Variants in NOTCH3 observed in about 807,000 individuals in gnomAD.
The protein encoded by NOTCH3 is neurogenic locus notch homolog protein 3.
In NOTCH3, 86 loss-of-function variants were observed where a neutral mutation model predicts 213.3. That is an observed-to-expected ratio of 0.40 (90% confidence interval 0.34 to 0.48). The LOEUF (loss-of-function observed/expected upper bound fraction) is 0.48. NOTCH3 is among the 20% of genes least tolerant of loss of function. The pLI is 0.57. For missense variants in NOTCH3, 2,783 were observed against 3,272.6 expected, an observed-to-expected ratio of 0.85 and a Z score of 3.65; for synonymous variants, 1,354 against 1,355.9, an observed-to-expected ratio of 1.00 and a Z score of 0.03.
chr19:15,195,032 A>G (rs2046958669), intron 2 of NOTCH3, among the ~76,000 whole-genome samples: 1 of 151,872 alleles, frequency 6.6e-6, no homozygotes, highest in East Asian at 1.9e-4. Context: ...GCACACACAG[A>G]CAGGCCCAGA....
chr19:15,198,624 G>T (rs976060360), intron 1 of NOTCH3, among the ~76,000 whole-genome samples: 4 of 152,196 alleles, frequency 2.6e-5, no homozygotes, highest in African/African-American at 9.6e-5. Context: ...GGTAGCAGGT[G>T]CCTGTAATCC....
rs1452008203 is a variant in NOTCH3 at position 15,178,085 on chromosome 19, G to T, written c.3843C>A (p.Phe1281Leu). The change falls in exon 24 of 33, where the codon TTC (phenylalanine) becomes TTA (leucine). Residue 1281 changes from phenylalanine (F) to leucine (L), a missense_variant. Around this residue, in one of 6 missense-constraint regions of NOTCH3, gnomAD observed 861 missense variants for 909.1 expected, o/e 0.95. Transcript: ENST00000263388. The stretch of plus-strand genomic sequence containing the variant: ...CCACCCGCTCGCAACGCGGACCCCA[G>T]AACGGCTGGGGGTCGGGTTTGGGGA... The part of the protein sequence containing the change: ...LTFTCHCAQP[F>L]WGPRCERVAR... The T allele has an allele frequency of 6.6e-7, 1 of 1,514,094 alleles. No homozygotes were observed. Among genetic ancestry groups the T allele is most frequent in the Admixed American group, 2.0e-5 (1 of 50,142 alleles). The allele number at this position is 1,514,094 out of a possible 1,614,324, so 93.8% of individuals were successfully genotyped here. A position where few individuals can be genotyped will look rare whatever the true frequency, so the allele number is the denominator to read the frequency against.
Position 15,178,885 on chromosome 19 carries a change from C to T in NOTCH3, c.3775G>A (p.Gly1259Ser). 1 of 1,612,194 alleles carries T rather than the reference C, an allele frequency of 6.2e-7. No individual in the cohort carries two copies. The highest frequency in any genetic ancestry group is 2.2e-5 in the East Asian group (1 of 44,828). ...GGACCCGGGCTAGGACGGCACTGGCCTCCATGCTGGCATGGCTGGGACTCG... is the reference window on the plus strand; with the variant it reads ...GGACCCGGGCTAGGACGGCACTGGCTTCCATGCTGGCATGGCTGGGACTCG... ...PCESQPCQHG[G>S]QCRPSPGPGG... Residue 1259 changes from glycine (G) to serine (S), a missense_variant, in exon 23 of 33, where the codon GGC (glycine) becomes AGC (serine). By Grantham distance (56) the Gly-to-Ser change is moderately conservative. This residue lies in a region of NOTCH3 where 861 missense variants were observed against 909.1 expected (regional missense o/e 0.95). Transcript: ENST00000263388.
At position 15,160,797 on chromosome 19, in the gene NOTCH3, A is replaced by G. The variant is rs1329173281; in HGVS notation, c.6831T>C (p.Thr2277=). ...CCCCAGTGGTGGTGGCCATGGCCCCAGTGGCAGTGGCTGGGCTAGGCGTGG... is the reference window on the plus strand; with the variant it reads ...CCCCAGTGGTGGTGGCCATGGCCCCGGTGGCAGTGGCTGGGCTAGGCGTGG... ...SESTPSPATA[T]GAMATTTGAL... The change falls in exon 33 of 33, where the codon ACT becomes ACC. Residue 2277 remains threonine (T), a synonymous_variant. Coordinates refer to ENST00000263388, the MANE Select transcript of NOTCH3 (RefSeq NM_000435.3). 6.2e-7 allele frequency: 1 copy of G among 1,613,774 alleles called. No individual in the cohort carries two copies. Among genetic ancestry groups the G allele is most frequent in the Non-Finnish European group, 8.5e-7 (1 of 1,179,700 alleles).
At position 15,185,249 on chromosome 19, in the gene NOTCH3, G is replaced by A. The variant is rs375460301; in HGVS notation, c.2296+8C>T. On this transcript the variant is annotated splice_region_variant and intron_variant, in intron 14 of 32. Transcript: ENST00000263388. This position sits in a 1 kb window ranked among gnomAD's most constrained non-coding sequence, Gnocchi z 4.2. ...GGTGGGGCTGCAGAGGGAAGGTGAG[G>A]TACACACCCTGGACACCAGGCGGGC... 170 of 1,612,566 alleles carry A rather than the reference G, an allele frequency of 1.1e-4. No homozygotes were observed. The highest frequency in any genetic ancestry group is 1.4e-4 in the Non-Finnish European group (166 of 1,179,634).
At position 15,181,160 on chromosome 19, in the gene NOTCH3, G is replaced by C. The variant is rs1285561290; in HGVS notation, c.2795C>G (p.Ser932Cys). Residue 932 changes from serine to cysteine, a missense_variant and splice_region_variant, in exon 18 of 33, where the codon TCC becomes TGC. Coordinates refer to ENST00000263388, the MANE Select transcript of NOTCH3 (RefSeq NM_000435.3). ...CACACAGGTCCCGCCATTGAAGCAG[G>C]AGCTGGAGCGGAAGGAGTGGGAGGG... Reference protein sequence around the residue: ...EQDLPDCSPSSCFNGGTCVDG... With the variant: ...EQDLPDCSPSCCFNGGTCVDG... 6.2e-7 allele frequency: 1 copy of C among 1,610,890 alleles called. No homozygotes were observed.
chr19:15,200,060 GCCCCT>G (rs2046999778), intron 1 of NOTCH3, among the ~76,000 whole-genome samples: 1 of 150,556 alleles, frequency 6.6e-6, no homozygotes, highest in Non-Finnish European at 1.5e-5. Flanking sequence ...AGGGGCGGGG[GCCCCT>G]GGCCGGCTGG....
chr19:15,192,974 C>T (rs1373175559), intron 2 of NOTCH3, among the ~76,000 whole-genome samples: 1 of 152,140 alleles, frequency 6.6e-6, no homozygotes, highest in Admixed American at 6.6e-5. Flanking sequence ...TACTGAGTAC[C>T]TACTACGTTC....
intron 19 of NOTCH3, 104 bp from the exon 20 acceptor site, chr19:15,180,360 G>T: frequency 7.8e-7 from 1 of 1,280,320 alleles, no homozygotes; most frequent in South Asian, 1.2e-5. Flanking sequence ...GAGTCCCCAG[G>T]ATCGCACCCA....
intron 2 of NOTCH3, 59 bp downstream of exon 2, chr19:15,197,441 G>GCGCCGCCCCCCCCC: frequency 1.3e-6 from 1 of 768,362 alleles, no homozygotes; most frequent in Non-Finnish European, 2.3e-6. Flanking sequence ...AAGACAAATC[G>GCGCCGCCCCCCCCC]CCCCTCCCCC....
At chr19:15,198,215 T>A (rs2046984866) in intron 1 of NOTCH3, among the ~76,000 whole-genome samples, 1 of 152,212 alleles carries the variant, frequency 6.6e-6, no homozygotes, top group South Asian at 2.1e-4. Flanking sequence ...CCCTAAGGGC[T>A]GTGTCCCTCT....
chr19:15,165,371 G>C lies in NOTCH3; in HGVS notation c.5812C>G (p.Leu1938Val). The C allele has an allele frequency of 6.2e-7, 1 of 1,605,600 alleles. No individual in the cohort carries two copies. The highest frequency in any genetic ancestry group is 8.5e-7 in the Non-Finnish European group (1 of 1,179,988). Reference protein sequence around the residue: ...SHADVNAVDELGKSALHWAAA... With the variant: ...SHADVNAVDEVGKSALHWAAA... ...CTTGATTCCTCTGCCAACCTACCAA[G>C]CTCATCCACAGCATTGACATCAGCA... Residue 1938 changes from leucine to valine, a missense_variant, in exon 31 of 33, where the codon CTT becomes GTT. Transcript: ENST00000263388. The surrounding 1 kb of genome is among the most constrained non-coding windows in gnomAD (Gnocchi z 4.7).
chr19:15,175,522 G>A (rs1308052795), intron 24 of NOTCH3, among the ~76,000 whole-genome samples: 2 of 82,618 alleles, frequency 2.4e-5, no homozygotes, highest in African/African-American at 9.0e-5. Context: ...CAATGGGAGA[G>A]AAATCCTGTC....
At position 15,172,932 on chromosome 19, in the gene NOTCH3, C is replaced by T. The variant is rs183062052; in HGVS notation, c.4736+1136G>A. 9.4e-3 allele frequency among the ~76,000 whole-genome samples: 1,397 copies of T among 149,106 alleles called. 11 individuals are homozygous for T. Among genetic ancestry groups the T allele is most frequent in the Admixed American group, 0.015 (225 of 14,970 alleles). On this transcript the variant is annotated intron_variant, in intron 25 of 32. Transcript: ENST00000263388. ...ACTGCCTTCCAAAGTGCTGGGATTA[C>T]AGGCGTGAGCCACCGAGCCCCTCCT... is the stretch of plus-strand genomic sequence containing the variant.
At chr19:15,175,829 G>A (rs1013368040) in intron 24 of NOTCH3, among the ~76,000 whole-genome samples, 1 of 151,590 alleles carries the variant, frequency 6.6e-6, no homozygotes, top group Non-Finnish European at 1.5e-5. Context: ...CAAGCCTGGG[G>A]TATCTGGGAA....
At chr19:15,184,852 G>A (rs2046867941) in intron 15 of NOTCH3, 54 bp downstream of exon 15, 2 of 1,021,676 alleles carry the variant, frequency 2.0e-6, no homozygotes, top group South Asian at 2.8e-5. Flanking sequence ...ATCCCTGATA[G>A]GGTAGGGGGC....
intron 17 of NOTCH3, among the ~76,000 whole-genome samples, 194 bp downstream of exon 17, chr19:15,181,382 G>A (rs905318153): frequency 7.2e-5 from 11 of 152,194 alleles, no homozygotes; most frequent in Admixed American, 5.9e-4. Context: ...TGCCCTCTCA[G>A]GCACCAGAGA....
At chr19:15,180,927 G>T (rs1338163475) in intron 18 of NOTCH3, 34 bp downstream of exon 18, 1 of 1,583,964 alleles carries the variant, frequency 6.3e-7, no homozygotes. Flanking sequence ...TCCCAGGCAG[G>T]CTCCTCCCCC....
In NOTCH3 at chr19:15,178,840, TGAA is replaced by T; in HGVS notation, c.3817_3819del (p.Phe1273del). ...ACACCTACCTGGGCACAGTGACAGGTGAAGGTCAGCCCACCCCCAGGACCCGGG... is the reference window on the plus strand; with the variant it reads ...ACACCTACCTGGGCACAGTGACAGGTGGTCAGCCCACCCCCAGGACCCGGG... On this transcript the variant is annotated inframe_deletion, in exon 23 of 33. Coordinates refer to ENST00000263388, the MANE Select transcript of NOTCH3 (RefSeq NM_000435.3). 6.3e-7 allele frequency: 1 copy of T among 1,597,288 alleles called. No homozygotes were observed. The highest frequency in any genetic ancestry group is 8.5e-7 in the Non-Finnish European group (1 of 1,172,050).
Sources: allele counts gnomAD v4.1 joint callset (sites outside exome capture counted in the v4.1 genomes callset), GRCh38; gene constraint gnomAD v4.1.1; regional missense constraint gnomAD v4.1.1; non-coding constraint Gnocchi (gnomAD v3.1); transcripts MANE v1.5; gene names NCBI Gene and HGNC (gene_info 2026-07-23, HGNC 2026-07-21).